The following ASCC3 variants were observed in gnomAD, a reference collection of about 807,000 sequenced individuals.
ASCC3 encodes activating signal cointegrator 1 complex subunit 3.
ASCC3 carries 158 observed loss-of-function variants against 256.3 expected under a neutral mutation model. The ratio of observed to expected loss-of-function variants is 0.62; its 90% CI spans 0.54 to 0.70. ASCC3 has a LOEUF of 0.70. ASCC3 is among the 30% of genes least tolerant of loss of function. The probability of loss-of-function intolerance (pLI) is 0.00; values close to 1 mark genes in which losing one functional copy is unlikely to be tolerated. For missense variants in ASCC3, 2,259 were observed against 2,626.0 expected, an observed-to-expected ratio of 0.86 and a Z score of 3.05; for synonymous variants, 948 against 883.4, an observed-to-expected ratio of 1.07 and a Z score of -1.30.
chr6:100,613,341 G>C (rs1016072486), intron 30 of ASCC3, among the ~76,000 whole-genome samples: 4 of 151,530 alleles, frequency 2.6e-5, no homozygotes, highest in Admixed American at 2.0e-4. Context: ...TTTTTTGTGG[G>C]TACATAGTCA....
chr6:100,841,815 T>A (rs1772157458), intron 4 of ASCC3, among the ~76,000 whole-genome samples: 1 of 152,082 alleles, frequency 6.6e-6, no homozygotes, highest in African/African-American at 2.4e-5. Flanking sequence ...AGTAGGAGTA[T>A]TATCAGTTAG....
chr6:100,643,557 G>A (rs940406060), intron 23 of ASCC3, among the ~76,000 whole-genome samples: 46 of 152,086 alleles, frequency 3.0e-4, no homozygotes, highest in African/African-American at 1.0e-3. Flanking sequence ...CATAGTGTAC[G>A]TAGACAAGCC....
chr6:100,843,352 C>T lies in ASCC3; in HGVS notation c.801+4796G>A, dbSNP rs145368699. 5.3e-5 allele frequency among the ~76,000 whole-genome samples: 8 copies of T among 152,240 alleles called. No homozygotes were observed. The East Asian group carries it at 1.4e-3, about 26-fold the overall frequency. ...AAATGAACTTGCATGGGTCAAGTAA[C>T]GCCATCTGCATAGAGTCAAGAGATA... On this transcript the variant is annotated intron_variant, in intron 4 of 41. Coordinates refer to ENST00000369162, the MANE Select transcript of ASCC3 (RefSeq NM_006828.4).
intron 4 of ASCC3, among the ~76,000 whole-genome samples, chr6:100,819,264 T>A (rs765896582): frequency 5.9e-5 from 9 of 152,068 alleles, no homozygotes; most frequent in Admixed American, 1.3e-4. Context: ...TGTATACCTA[T>A]GTATCAAACC....
chr6:100,549,120 A>G (rs1460947044), intron 36 of ASCC3, among the ~76,000 whole-genome samples: 1 of 151,896 alleles, frequency 6.6e-6, no homozygotes, highest in Non-Finnish European at 1.5e-5. Flanking sequence ...AAAAACTGCA[A>G]ATAAGGGGGG....
At chr6:100,612,290 A>G (rs957493247) in intron 30 of ASCC3, among the ~76,000 whole-genome samples, 1 of 151,692 alleles carries the variant, frequency 6.6e-6, no homozygotes, top group Non-Finnish European at 1.5e-5. Context: ...CAAAAGGAGG[A>G]GACCAGATTG....
intron 37 of ASCC3, among the ~76,000 whole-genome samples, chr6:100,526,488 C>A (rs1284016856): frequency 6.6e-6 from 1 of 152,150 alleles, no homozygotes; most frequent in African/African-American, 2.4e-5. Flanking sequence ...GGAAAACAGC[C>A]TTCCAAATTA....
chr6:100,786,134 T>C (rs183544878), intron 8 of ASCC3, among the ~76,000 whole-genome samples: 221 of 152,230 alleles, frequency 1.5e-3, no homozygotes, highest in African/African-American at 5.2e-3. Context: ...TGCACAATCA[T>C]AACAAGCTCT....
chr6:100,515,819 T>C (rs974943320), intron 39 of ASCC3, among the ~76,000 whole-genome samples: 2 of 152,262 alleles, frequency 1.3e-5, no homozygotes, highest in East Asian at 1.9e-4. Context: ...AGACGAGTGA[T>C]GGACAAGCTA....
chr6:100,663,686 G>A (rs1776336239), intron 14 of ASCC3, among the ~76,000 whole-genome samples: 1 of 152,094 alleles, frequency 6.6e-6, no homozygotes, highest in African/African-American at 2.4e-5. Flanking sequence ...TGCTAAAATC[G>A]ATGGTAAGAG....
intron 37 of ASCC3, among the ~76,000 whole-genome samples, chr6:100,538,401 C>A (rs1313325566): frequency 1.3e-5 from 2 of 152,030 alleles, no homozygotes; most frequent in Non-Finnish European, 2.9e-5. Flanking sequence ...TTTATTATAG[C>A]CTTACTTCCC....
intron 4 of ASCC3, among the ~76,000 whole-genome samples, chr6:100,821,226 G>A (rs1771023162): frequency 1.3e-5 from 2 of 152,236 alleles, no homozygotes; most frequent in South Asian, 4.1e-4. Flanking sequence ...AGGTTGCCCA[G>A]TTGAGTCTCA....
chr6:100,589,575 G>T (rs1235480216), intron 36 of ASCC3, 59 bp downstream of exon 36: 1 of 1,601,070 alleles, frequency 6.2e-7, no homozygotes, highest in East Asian at 2.2e-5. Flanking sequence ...GACAAACTAG[G>T]TGGCAAAACT....
intron 8 of ASCC3, among the ~76,000 whole-genome samples, chr6:100,792,309 A>AT (rs1340120063): frequency 2.0e-5 from 3 of 151,940 alleles, no homozygotes; most frequent in Non-Finnish European, 4.4e-5. Context: ...ATACATCTGA[A>AT]TAATTTATTG....
chr6:100,828,293 T>C (rs1771430426), intron 4 of ASCC3, among the ~76,000 whole-genome samples: 1 of 152,174 alleles, frequency 6.6e-6, no homozygotes, highest in Non-Finnish European at 1.5e-5. Flanking sequence ...TCTATTACAG[T>C]AGTTCCCCTT....
rs370650169 is a variant in ASCC3, at chr6:100,871,243, G to A, written c.-41-3205C>T. On this transcript the variant is annotated intron_variant, in intron 1 of 41. Transcript: ENST00000369162. ...CCCGAGTAGCTGGGATTACAGGTAC[G>A]CACCACCACGCCCGGCTAATTTTGG... Among the ~76,000 whole-genome samples, 295 of 151,988 alleles carry A rather than the reference G, an allele frequency of 1.9e-3. 1 individual carries two copies. Among genetic ancestry groups the A allele is most frequent in the African/African-American group, 5.8e-3 (242 of 41,502 alleles).
chr6:100,781,543 C>T (rs1211303737), intron 8 of ASCC3, among the ~76,000 whole-genome samples: 4 of 131,384 alleles, frequency 3.0e-5, no homozygotes, highest in African/African-American at 1.2e-4. Flanking sequence ...GCCACCACGC[C>T]TGGCTAATTT....
At chr6:100,550,979 A>G (rs1769267872) in intron 36 of ASCC3, among the ~76,000 whole-genome samples, 1 of 151,936 alleles carries the variant, frequency 6.6e-6, no homozygotes, top group Non-Finnish European at 1.5e-5. Context: ...AGTTAATCTA[A>G]GTTTAATAAG....
intron 10 of ASCC3, among the ~76,000 whole-genome samples, chr6:100,743,970 G>T (rs1306591975): frequency 1.3e-5 from 2 of 152,054 alleles, no homozygotes; most frequent in African/African-American, 4.8e-5. Flanking sequence ...TTTTAAAATT[G>T]TATTTATGCT....
Sources: gnomAD v4.1 joint callset for allele counts (sites outside exome capture counted in the v4.1 genomes callset) on GRCh38, gnomAD v4.1.1 for gene constraint, MANE v1.5 for transcripts, NCBI Gene and HGNC (gene_info 2026-07-23, HGNC 2026-07-21) for gene names.